Variants in EPHA6 observed in about 807,000 individuals in gnomAD.
The protein encoded by EPHA6 is ephrin type-A receptor 6.
Under a neutral mutation model 112.0 loss-of-function variants are expected in EPHA6, and 50 were observed. The observed-to-expected ratio is 0.45, with a 90% CI of 0.36 to 0.56. The LOEUF is 0.56. Ranked by LOEUF, EPHA6 falls within the 20% of genes least tolerant of loss-of-function variation. The probability of loss-of-function intolerance (pLI) is 0.00; values close to 1 mark genes in which losing one functional copy is unlikely to be tolerated. For synonymous variants in EPHA6, 529 were observed against 490.7 expected, an observed-to-expected ratio of 1.08 and a Z score of -1.03; for missense variants, 1,280 against 1,417.4, an observed-to-expected ratio of 0.90 and a Z score of 1.56.
At chr3:96,869,101 T>C (rs186393304) in intron 2 of EPHA6, among the ~76,000 whole-genome samples, 1 of 152,174 alleles carries the variant, frequency 6.6e-6, no homozygotes, top group Admixed American at 6.6e-5. Flanking sequence ...GTGCCAACAT[T>C]TAAAATATAC....
chr3:97,673,151 C>T (rs1293473655), intron 14 of EPHA6, among the ~76,000 whole-genome samples: 3 of 152,156 alleles, frequency 2.0e-5, no homozygotes, highest in Non-Finnish European at 4.4e-5. Flanking sequence ...ATTACTTTCC[C>T]ACCAGCAGTT....
intron 2 of EPHA6, among the ~76,000 whole-genome samples, chr3:96,978,113 T>G (rs1395280852): frequency 2.6e-5 from 4 of 152,014 alleles, no homozygotes; most frequent in Admixed American, 1.3e-4. Context: ...TGACCAAAAA[T>G]TGCGCCACTT....
At chr3:97,300,147 A>G (rs2081033383) in intron 5 of EPHA6, among the ~76,000 whole-genome samples, 1 of 152,210 alleles carries the variant, frequency 6.6e-6, no homozygotes, top group Non-Finnish European at 1.5e-5. Context: ...ATTTTCCTTT[A>G]CCATTCTCTT....
At chr3:97,076,926 T>C (rs551297082) in intron 3 of EPHA6, among the ~76,000 whole-genome samples, 17 of 152,184 alleles carry the variant, frequency 1.1e-4, no homozygotes, top group African/African-American at 3.1e-4. Flanking sequence ...CCAGAAAAAA[T>C]GATTCCTCTC....
chr3:96,913,204 ACACACACAC>A (rs1316071246), intron 2 of EPHA6, among the ~76,000 whole-genome samples: 1 of 120,456 alleles, frequency 8.3e-6, no homozygotes, highest in African/African-American at 3.1e-5. Context: ...ACACACACAC[ACACACACAC>A]CACACACACG....
At chr3:97,327,869 ATATATG>A (rs2082521200) in intron 5 of EPHA6, among the ~76,000 whole-genome samples, 1 of 148,706 alleles carries the variant, frequency 6.7e-6, no homozygotes, top group African/African-American at 2.5e-5. Flanking sequence ...GTGTGTATAT[ATATATG>A]TATATGTGTG....
chr3:97,250,322 G>T (rs2079099682), intron 5 of EPHA6, among the ~76,000 whole-genome samples: 1 of 152,088 alleles, frequency 6.6e-6, no homozygotes, highest in Non-Finnish European at 1.5e-5. Context: ...ATCATACATT[G>T]CTAAAGAAAT....
rs540180431 is a variant in EPHA6, at chr3:97,087,323, T to A, written c.1114+99330T>A. On this transcript the variant is annotated intron_variant, in intron 3 of 17. Transcript: ENST00000389672. ...GGGGTGTGTGTCTCAAGACTGAACC[T>A]CAAGTTCAGTACCTTTGGAAGAGCA... Among the ~76,000 whole-genome samples, 37 of 152,244 alleles carry A rather than the reference T, an allele frequency of 2.4e-4. No homozygotes were observed. The South Asian group carries it at 7.5e-3, about 31-fold the overall frequency.
intron 3 of EPHA6, among the ~76,000 whole-genome samples, chr3:96,998,761 A>AAG (rs927791381): frequency 1.3e-5 from 2 of 151,580 alleles, no homozygotes; most frequent in Non-Finnish European, 3.0e-5. Flanking sequence ...GAGACAGAGA[A>AAG]AGAGAGAGAG....
chr3:97,249,919 G>A (rs1296040096), intron 5 of EPHA6, among the ~76,000 whole-genome samples: 1 of 152,112 alleles, frequency 6.6e-6, no homozygotes, highest in African/African-American at 2.4e-5. Flanking sequence ...CACTGTTCCT[G>A]CTTTTATAGA....
At chr3:97,666,087 G>T (rs1418238391) in intron 14 of EPHA6, among the ~76,000 whole-genome samples, 1 of 151,236 alleles carries the variant, frequency 6.6e-6, no homozygotes, top group Non-Finnish European at 1.5e-5. Flanking sequence ...ACACATGAAT[G>T]CCTTGAATCA....
In EPHA6 at chr3:97,363,235, T is replaced by A. The variant is rs903829705; in HGVS notation, c.1607-41915T>A. Among the ~76,000 whole-genome samples the A allele has an allele frequency of 3.4e-4, 24 of 70,726 alleles. 1 individual carries two copies. In the Admixed American group the frequency reaches 3.5e-3, roughly 10 times the overall value. The allele number at this position is 70,726 out of a possible 152,430, so 46.4% of individuals were successfully genotyped here. ...ATATATATATATATATATATATATA[T>A]ATAAATCTCAGATGCTACAAAAACT... On this transcript the variant is annotated intron_variant, in intron 5 of 17. Transcript: ENST00000389672.
intron 3 of EPHA6, among the ~76,000 whole-genome samples, chr3:97,094,717 C>G (rs983274122): frequency 6.6e-6 from 1 of 152,110 alleles, no homozygotes; most frequent in African/African-American, 2.4e-5. Flanking sequence ...AGTCTTGCTA[C>G]ATAAACTATT....
At chr3:97,548,856 A>G (rs2092992990) in intron 11 of EPHA6, among the ~76,000 whole-genome samples, 1 of 152,188 alleles carries the variant, frequency 6.6e-6, no homozygotes, top group Non-Finnish European at 1.5e-5. Flanking sequence ...ACAATCATGC[A>G]CCCCATAACT....
chr3:97,754,893 C>T lies in EPHA6; in HGVS notation c.*6192C>T, dbSNP rs991033300. 2.0e-5 allele frequency among the ~76,000 whole-genome samples: 3 copies of T among 152,128 alleles called. No individual in the cohort carries two copies. Among genetic ancestry groups the T allele is most frequent in the African/African-American group, 7.2e-5 (3 of 41,510 alleles). ...TAATTTTTTGTATTTTTAGTAGAGA[C>T]GGAGTTTCACCGTGTTAGCCAGGAT... is the stretch of plus-strand genomic sequence containing the variant. On this transcript the variant is annotated 3_prime_UTR_variant, in exon 18 of 18. Coordinates refer to ENST00000389672, the MANE Select transcript of EPHA6 (RefSeq NM_001080448.3).
chr3:97,671,835 G>GA lies in EPHA6; in HGVS notation c.2784+33763dup, dbSNP rs111627780. On this transcript the variant is annotated intron_variant, in intron 14 of 17. Transcript: ENST00000389672. ...CAGTATAGATTTTCAATGTCAAAAAGAAAAAAAAAAGCAGAAATAGAAGCT... is the reference window on the plus strand; with the variant it reads ...CAGTATAGATTTTCAATGTCAAAAAGAAAAAAAAAAAGCAGAAATAGAAGCT... Among the ~76,000 whole-genome samples, 36 of 145,636 alleles carry GA rather than the reference G, an allele frequency of 2.5e-4. No individual in the cohort carries two copies. In the South Asian group the frequency reaches 3.0e-3, roughly 12 times the overall value.
chr3:97,655,714 T>G (rs561416552), intron 14 of EPHA6, among the ~76,000 whole-genome samples: 246 of 127,900 alleles, frequency 1.9e-3, no homozygotes, highest in Middle Eastern at 5.0e-3. Flanking sequence ...TGAGAACACA[T>G]GGACACAGGA....
At chr3:97,379,882 G>GA (rs1206613986) in intron 5 of EPHA6, among the ~76,000 whole-genome samples, 33 of 151,330 alleles carry the variant, frequency 2.2e-4, no homozygotes, top group Admixed American at 2.0e-3. Context: ...ACAGACATCA[G>GA]AAAAATGATA....
chr3:97,578,416 A>G (rs1308401462), intron 11 of EPHA6, among the ~76,000 whole-genome samples: 1 of 152,242 alleles, frequency 6.6e-6, no homozygotes, highest in Non-Finnish European at 1.5e-5. Flanking sequence ...AATTGCAAAC[A>G]CTACTTCCAT....
Sources: gnomAD v4.1 joint callset for allele counts (sites outside exome capture counted in the v4.1 genomes callset) on GRCh38, gnomAD v4.1.1 for gene constraint, MANE v1.5 for transcripts, NCBI Gene and HGNC (gene_info 2026-07-23, HGNC 2026-07-21) for gene names.